WWTR1: variants seen among roughly 807,000 people sequenced by gnomAD.
WWTR1 encodes the protein WW domain-containing transcription regulator protein 1.
A neutral mutation model predicts 40.1 loss-of-function variants in WWTR1; 13 were observed. The ratio of observed to expected loss-of-function variants is 0.32; its 90% CI spans 0.21 to 0.52. The LOEUF (loss-of-function observed/expected upper bound fraction) is 0.52. Ranked by LOEUF, WWTR1 falls within the 20% of genes least tolerant of loss-of-function variation. The pLI is 0.97. For synonymous variants in WWTR1, 230 were observed against 210.1 expected, an observed-to-expected ratio of 1.09 and a Z score of -0.82; for missense variants, 436 against 523.1, an observed-to-expected ratio of 0.83 and a Z score of 1.63.
chr3:149,686,321 G>C (rs1714643600), intron 1 of WWTR1, among the ~76,000 whole-genome samples: 1 of 152,138 alleles, frequency 6.6e-6, no homozygotes, highest in Non-Finnish European at 1.5e-5. Context: ...AACATCAGTG[G>C]AAGAAAAGAG....
At chr3:149,602,778 C>T (rs2108052175) in intron 2 of WWTR1, among the ~76,000 whole-genome samples, 1 of 152,236 alleles carries the variant, frequency 6.6e-6, no homozygotes, top group Non-Finnish European at 1.5e-5. Context: ...GATTCTCCTG[C>T]CTCAGCCTCC....
intron 1 of WWTR1, among the ~76,000 whole-genome samples, chr3:149,682,642 G>A (rs1052832878): frequency 6.6e-6 from 1 of 152,120 alleles, no homozygotes; most frequent in Non-Finnish European, 1.5e-5. Context: ...TCAAATGATT[G>A]CAATCTTAAC....
At chr3:149,607,452 C>T (rs1445377614) in intron 2 of WWTR1, among the ~76,000 whole-genome samples, 1 of 152,118 alleles carries the variant, frequency 6.6e-6, no homozygotes, top group Non-Finnish European at 1.5e-5. Context: ...GTAGCTGGGA[C>T]TACAGGCACA....
intron 2 of WWTR1, among the ~76,000 whole-genome samples, chr3:149,589,559 T>C (rs1475523549): frequency 1.3e-5 from 2 of 152,050 alleles, no homozygotes; most frequent in Non-Finnish European, 1.5e-5. Flanking sequence ...CCCCGTGCAA[T>C]GAGTTAAACA....
At chr3:149,705,450 T>C (rs1202342854), upstream of WWTR1, among the ~76,000 whole-genome samples, 6 of 152,222 alleles carry the variant, frequency 3.9e-5, no homozygotes, top group Non-Finnish European at 8.8e-5. Flanking sequence ...ATAGTAATCA[T>C]GAACTTGTAG....
At chr3:149,686,063 A>G (rs1714635126) in intron 1 of WWTR1, among the ~76,000 whole-genome samples, 1 of 152,188 alleles carries the variant, frequency 6.6e-6, no homozygotes, top group Non-Finnish European at 1.5e-5. Context: ...TCAGCCACAA[A>G]TAACAGAAAG....
chr3:149,518,198 T>C lies in WWTR1; in HGVS notation c.*2607A>G, dbSNP rs1734877999. On this transcript the variant is annotated 3_prime_UTR_variant, in exon 7 of 7. Transcript: ENST00000360632. ...GGGTCCATATTTTATTCTGAAAAAA[T>C]ATTTATTATATTCATTCATAAATGT... The C allele has an allele frequency of 1.3e-5, 2 of 152,098 alleles. No individual in the cohort carries two copies. Among genetic ancestry groups the C allele is most frequent in the African/African-American group, 4.8e-5 (2 of 41,438 alleles). 9.4% of individuals were successfully genotyped at this position (152,098 alleles called of 1,614,324 possible).
In WWTR1 at chr3:149,657,186, T is replaced by C; in HGVS notation, c.121A>G (p.Ser41Gly). 1 of 1,611,104 alleles carries C rather than the reference T, an allele frequency of 6.2e-7. No homozygotes were observed. The highest frequency in any genetic ancestry group is 8.5e-7 in the Non-Finnish European group (1 of 1,178,974). Residue 41 changes from serine to glycine, a missense_variant, in exon 2 of 7, where the codon AGC becomes GGC. Coordinates refer to ENST00000360632, the MANE Select transcript of WWTR1 (RefSeq NM_015472.6). ...GGCAGGATCTTCTTCCGCCACGAGC[T>C]AGGCTTCGGATTCATGACAGAGTTG... is the stretch of plus-strand genomic sequence containing the variant. ...LFNSVMNPKP[S>G]SWRKKILPES...
chr3:149,678,887 G>A (rs4681543), intron 1 of WWTR1, among the ~76,000 whole-genome samples: 134,270 of 150,622 alleles, frequency 0.89, 60,077 homozygotes, highest in East Asian at 0.98. Flanking sequence ...CAATGGTGCA[G>A]TGGCGTGATC....
At chr3:149,613,340 G>A (rs1739818409) in intron 2 of WWTR1, among the ~76,000 whole-genome samples, 1 of 152,132 alleles carries the variant, frequency 6.6e-6, no homozygotes, top group Admixed American at 6.5e-5. Flanking sequence ...TCATGAAGAT[G>A]AGTACCACTC....
chr3:149,675,715 ATTTC>A (rs1170923788), intron 1 of WWTR1, among the ~76,000 whole-genome samples: 1 of 151,230 alleles, frequency 6.6e-6, no homozygotes, highest in African/African-American at 2.4e-5. Context: ...AGAACTCAAA[ATTTC>A]TTTCTTTTTT....
chr3:149,683,642 T>A (rs1343726250), intron 1 of WWTR1, among the ~76,000 whole-genome samples: 1 of 152,018 alleles, frequency 6.6e-6, no homozygotes, highest in South Asian at 2.1e-4. Context: ...TGCAGTGAGC[T>A]GAGATTGCAC....
intron 4 of WWTR1, among the ~76,000 whole-genome samples, chr3:149,535,197 T>C (rs1266346859): frequency 6.6e-6 from 1 of 151,682 alleles, no homozygotes; most frequent in Non-Finnish European, 1.5e-5. Flanking sequence ...GATTGGATTG[T>C]TTTAATTATA....
At chr3:149,522,826 C>A (rs1212906432) in intron 6 of WWTR1, among the ~76,000 whole-genome samples, 1 of 151,968 alleles carries the variant, frequency 6.6e-6, no homozygotes. Context: ...CACCTGAGGT[C>A]AGGAGTTCAA....
intron 6 of WWTR1, chr3:149,525,719 ATT>A (rs11312622): frequency 8.0e-4 from 138 of 171,884 alleles, no homozygotes; most frequent in East Asian, 7.1e-3. Context: ...GAAGCATTCC[ATT>A]TTTTTTTTTT....
intron 1 of WWTR1, among the ~76,000 whole-genome samples, chr3:149,673,296 C>T (rs1028032324): frequency 2.0e-5 from 3 of 152,030 alleles, no homozygotes. Flanking sequence ...TATTCAATGA[C>T]GTAATTTCAT....
intron 2 of WWTR1, among the ~76,000 whole-genome samples, chr3:149,622,565 G>T (rs1314451655): frequency 6.8e-6 from 1 of 146,182 alleles, no homozygotes; most frequent in African/African-American, 2.5e-5. Flanking sequence ...GCAAGTGAGC[G>T]TGCGTCCAGG....
intron 1 of WWTR1, 183 bp from the exon 2 acceptor site, chr3:149,657,492 G>A (rs988935125): frequency 4.3e-6 from 3 of 697,598 alleles, no homozygotes; most frequent in African/African-American, 1.8e-5. Context: ...TGGGGGAGGG[G>A]TCCCTCCTGG....
intron 5 of WWTR1, among the ~76,000 whole-genome samples, chr3:149,709,069 G>A (rs575516538): frequency 9.2e-5 from 14 of 152,012 alleles, no homozygotes; most frequent in South Asian, 6.2e-4. Context: ...TCTGCCTCCC[G>A]GGCTCAAGCG....
Sources: gnomAD v4.1 joint callset for allele counts (sites outside exome capture counted in the v4.1 genomes callset) on GRCh38, gnomAD v4.1.1 for gene constraint, MANE v1.5 for transcripts, NCBI Gene and HGNC (gene_info 2026-07-23, HGNC 2026-07-21) for gene names.